TMEM150C: variants seen among roughly 807,000 people sequenced by gnomAD.
TMEM150C encodes the protein transmembrane protein 150C.
A neutral mutation model predicts 29.9 loss-of-function variants in TMEM150C; 10 were observed. That is an observed-to-expected ratio of 0.33 (90% CI 0.21 to 0.57). The LOEUF (loss-of-function observed/expected upper bound fraction) is 0.57, where lower values mean the gene tolerates loss of function less well. Among genes scored for constraint, TMEM150C ranks in the 20% least tolerant of loss-of-function variants. The probability of loss-of-function intolerance (pLI) is 0.88; values close to 1 mark genes in which losing one functional copy is unlikely to be tolerated. For synonymous variants in TMEM150C, 101 were observed against 112.5 expected, an observed-to-expected ratio of 0.90 and a Z score of 0.64; for missense variants, 251 against 303.6, an observed-to-expected ratio of 0.83 and a Z score of 1.29.
At chr4:82,546,429 C>T (rs1057465413) in intron 1 of TMEM150C, among the ~76,000 whole-genome samples, 14 of 152,156 alleles carry the variant, frequency 9.2e-5, no homozygotes, top group African/African-American at 3.1e-4. Context: ...ATGCCACACA[C>T]CTGCAGCCAC....
chr4:82,534,018 G>T (rs184515305), intron 1 of TMEM150C, among the ~76,000 whole-genome samples: 27 of 152,246 alleles, frequency 1.8e-4, no homozygotes, highest in African/African-American at 6.5e-4. Flanking sequence ...CTGGAGTTCT[G>T]CCAGACAAGC....
At chr4:82,518,196 A>G (rs1451186451) in intron 1 of TMEM150C, among the ~76,000 whole-genome samples, 1 of 152,092 alleles carries the variant, frequency 6.6e-6, no homozygotes, top group Non-Finnish European at 1.5e-5. Flanking sequence ...GGCACCTGTA[A>G]TCCCAGCTAC....
At chr4:82,497,833 A>G (rs904912279) in intron 5 of TMEM150C, among the ~76,000 whole-genome samples, 5 of 152,182 alleles carry the variant, frequency 3.3e-5, no homozygotes, top group African/African-American at 1.2e-4. Flanking sequence ...TTAGGATAGG[A>G]GTAGGAGGAG....
chr4:82,544,536 T>C (rs1036288342), intron 1 of TMEM150C, among the ~76,000 whole-genome samples: 1 of 152,154 alleles, frequency 6.6e-6, no homozygotes, highest in African/African-American at 2.4e-5. Context: ...CCCAGCACTT[T>C]GGGAGGCCCA....
At chr4:82,518,171 G>A (rs113807868) in intron 1 of TMEM150C, among the ~76,000 whole-genome samples, 8,722 of 152,020 alleles carry the variant, frequency 0.057, 336 homozygotes, top group Middle Eastern at 0.21. Flanking sequence ...CAAAAATTAG[G>A]CAGGCATATT....
intron 6 of TMEM150C, among the ~76,000 whole-genome samples, chr4:82,493,462 C>A (rs1723436872): frequency 6.6e-6 from 1 of 152,130 alleles, no homozygotes; most frequent in East Asian, 1.9e-4. Context: ...ATACTAGCCA[C>A]CTGGTTTCTC....
At chr4:82,504,081 C>T (rs144671386) in intron 2 of TMEM150C, among the ~76,000 whole-genome samples, 1 of 152,174 alleles carries the variant, frequency 6.6e-6, no homozygotes, top group Admixed American at 6.5e-5. Flanking sequence ...AATTATTACT[C>T]ACTCTTGTTA....
chr4:82,510,326 CAAT>C (rs1724084395), intron 1 of TMEM150C, among the ~76,000 whole-genome samples: 2 of 152,204 alleles, frequency 1.3e-5, no homozygotes, highest in South Asian at 4.2e-4. Flanking sequence ...CCACTTACAA[CAAT>C]GACTGTGAAG....
intron 1 of TMEM150C, among the ~76,000 whole-genome samples, chr4:82,554,300 G>A (rs1725669501): frequency 6.6e-6 from 1 of 152,052 alleles, no homozygotes; most frequent in Non-Finnish European, 1.5e-5. Flanking sequence ...AGAAATTCCA[G>A]GATGATTATA....
intron 1 of TMEM150C, among the ~76,000 whole-genome samples, chr4:82,531,009 C>CA (rs1173621240): frequency 6.6e-6 from 1 of 152,156 alleles, no homozygotes; most frequent in African/African-American, 2.4e-5. Flanking sequence ...AATCACCTCC[C>CA]ACCAGGCCTC....
chr4:82,524,107 A>T (rs1724576741), intron 1 of TMEM150C, among the ~76,000 whole-genome samples: 1 of 151,768 alleles, frequency 6.6e-6, no homozygotes, highest in Admixed American at 6.6e-5. Flanking sequence ...AAATACAAAA[A>T]AAAAAAAAAG....
chr4:82,501,813 G>A (rs934291644), intron 5 of TMEM150C, among the ~76,000 whole-genome samples: 2 of 152,140 alleles, frequency 1.3e-5, no homozygotes, highest in Non-Finnish European at 2.9e-5. Flanking sequence ...GAGGGGTGGA[G>A]GTGAAATAAC....
At chr4:82,519,798 C>T (rs927707126) in intron 1 of TMEM150C, among the ~76,000 whole-genome samples, 2 of 152,024 alleles carry the variant, frequency 1.3e-5, no homozygotes, top group African/African-American at 4.8e-5. Flanking sequence ...AAGAGAGTAA[C>T]AACTAATAAT....
chr4:82,552,237 A>G (rs1725604214), intron 1 of TMEM150C, among the ~76,000 whole-genome samples: 1 of 151,958 alleles, frequency 6.6e-6, no homozygotes, highest in Admixed American at 6.6e-5. Context: ...ATTACCCACT[A>G]CCCTCGGGTA....
intron 1 of TMEM150C, among the ~76,000 whole-genome samples, chr4:82,542,164 A>C (rs2110088216): frequency 6.6e-6 from 1 of 152,328 alleles, no homozygotes; most frequent in South Asian, 2.1e-4. Flanking sequence ...AATATAACCA[A>C]ATGCCAAAAT....
intron 1 of TMEM150C, among the ~76,000 whole-genome samples, chr4:82,548,006 G>A (rs1420387682): frequency 3.3e-5 from 5 of 152,164 alleles, no homozygotes; most frequent in South Asian, 2.1e-4. Context: ...TATACACCAC[G>A]GAATACTATA....
chr4:82,536,550 T>C (rs753607628), intron 1 of TMEM150C, among the ~76,000 whole-genome samples: 6 of 151,884 alleles, frequency 4.0e-5, no homozygotes, highest in Non-Finnish European at 8.8e-5. Context: ...TTAGCTAATG[T>C]CTGGATAGGG....
chr4:82,504,759 G>A (rs748728840), intron 1 of TMEM150C, 92 bp from the exon 2 acceptor site: 23 of 1,063,372 alleles, frequency 2.2e-5, no homozygotes, highest in Middle Eastern at 4.5e-4. Context: ...GGCCAAGCAC[G>A]GTGGCTTACA....
At chr4:82,509,954 T>G (rs1227322083) in intron 1 of TMEM150C, among the ~76,000 whole-genome samples, 2 of 152,176 alleles carry the variant, frequency 1.3e-5, no homozygotes, top group Non-Finnish European at 2.9e-5. Context: ...TGCTAATCCT[T>G]GAGGACAAAC....
Sources: allele counts gnomAD v4.1 joint callset (sites outside exome capture counted in the v4.1 genomes callset), GRCh38; gene constraint gnomAD v4.1.1; transcripts MANE v1.5; gene names NCBI Gene and HGNC (gene_info 2026-07-23, HGNC 2026-07-21).